Variants in RAPGEF2 observed in about 807,000 individuals in gnomAD.
The protein encoded by RAPGEF2 is Rap guanine nucleotide exchange factor 2.
A neutral mutation model predicts 186.7 loss-of-function variants in RAPGEF2; 54 were observed. That is an observed-to-expected ratio of 0.29 (90% CI 0.23 to 0.36). The LOEUF (loss-of-function observed/expected upper bound fraction) is 0.36. Among genes scored for constraint, RAPGEF2 ranks in the 10% least tolerant of loss-of-function variants. The pLI is 1.00. For synonymous variants in RAPGEF2, 712 were observed against 705.9 expected, an observed-to-expected ratio of 1.01 and a Z score of -0.14; for missense variants, 1,532 against 2,045.0, an observed-to-expected ratio of 0.75 and a Z score of 4.84.
At chr4:159,131,950 A>G (rs1254297157) in intron 1 of RAPGEF2, among the ~76,000 whole-genome samples, 1 of 152,160 alleles carries the variant, frequency 6.6e-6, no homozygotes, top group Non-Finnish European at 1.5e-5. Context: ...GAGGATCCAG[A>G]TTCAAATCTG....
In RAPGEF2 at chr4:159,331,873, G is replaced by A. The variant is rs747826112; in HGVS notation, c.1779+40G>A. ...AACTCATTTAAGGGTGAATTTTGGT[G>A]TCTGGTTTTTTTTTTCAGTCAATTT... On this transcript the variant is annotated intron_variant, in intron 15 of 29. Transcript: ENST00000691494. 5.0e-6 allele frequency: 8 copies of A among 1,592,338 alleles called. No homozygotes were observed. The Admixed American group carries it at 1.4e-4, about 29-fold the overall frequency.
chr4:159,142,513 GT>G (rs1215182508), intron 1 of RAPGEF2, among the ~76,000 whole-genome samples: 5,471 of 142,658 alleles, frequency 0.038, 139 homozygotes, highest in African/African-American at 0.078. Context: ...ATACTTCATG[GT>G]TTTTTTTTTT....
chr4:159,358,037 A>T (rs1732297281), intron 29 of RAPGEF2, 77 bp from the exon 30 acceptor site: 2 of 1,384,918 alleles, frequency 1.4e-6, no homozygotes, highest in African/African-American at 2.9e-5. Flanking sequence ...TTAGCACATC[A>T]GTGAATATAT....
At chr4:159,281,099 C>A (rs571626214) in intron 7 of RAPGEF2, among the ~76,000 whole-genome samples, 25 of 151,886 alleles carry the variant, frequency 1.6e-4, no homozygotes, top group Admixed American at 7.9e-4. Context: ...TCAAGCGATT[C>A]TCCTGCCTCA....
chr4:159,237,060 G>T (rs1004528401), intron 4 of RAPGEF2, among the ~76,000 whole-genome samples: 2 of 151,988 alleles, frequency 1.3e-5, no homozygotes, highest in Admixed American at 6.6e-5. Flanking sequence ...TTACTCTGTT[G>T]CCCAGGCTAG....
intron 1 of RAPGEF2, among the ~76,000 whole-genome samples, chr4:159,184,950 A>G (rs1167786303): frequency 2.0e-5 from 3 of 152,350 alleles, no homozygotes; most frequent in Non-Finnish European, 4.4e-5. Context: ...ACCTTTCTAC[A>G]TATGGCTAGC....
At chr4:159,350,370 A>G (rs1731003935) in intron 26 of RAPGEF2, 81 bp downstream of exon 26, 2 of 1,190,568 alleles carry the variant, frequency 1.7e-6, no homozygotes, top group Admixed American at 2.9e-5. Context: ...AATGTATTAC[A>G]TAATTCCTAA....
chr4:159,289,414 A>G (rs1337621863), intron 7 of RAPGEF2, among the ~76,000 whole-genome samples: 4 of 152,194 alleles, frequency 2.6e-5, no homozygotes, highest in Non-Finnish European at 5.9e-5. Context: ...GCATAACTAC[A>G]GTTGCTGTTC....
intron 1 of RAPGEF2, among the ~76,000 whole-genome samples, chr4:159,109,737 G>A (rs1235347448): frequency 6.6e-6 from 1 of 152,206 alleles, no homozygotes; most frequent in East Asian, 1.9e-4. Flanking sequence ...TTGTAGGGGA[G>A]TAAGAATTCA....
intron 1 of RAPGEF2, among the ~76,000 whole-genome samples, chr4:159,115,041 C>T (rs189960591): frequency 2.2e-4 from 33 of 152,208 alleles, no homozygotes; most frequent in African/African-American, 7.7e-4. Flanking sequence ...GGCAAACAAT[C>T]TCTACACATT....
At chr4:159,252,508 C>T (rs1455933443) in intron 7 of RAPGEF2, among the ~76,000 whole-genome samples, 2 of 152,162 alleles carry the variant, frequency 1.3e-5, no homozygotes, top group East Asian at 1.9e-4. Flanking sequence ...ACTTGAGCAT[C>T]GTTGATATTC....
chr4:159,284,264 C>CT (rs2110912222), intron 7 of RAPGEF2, among the ~76,000 whole-genome samples: 1 of 152,244 alleles, frequency 6.6e-6, no homozygotes, highest in Non-Finnish European at 1.5e-5. Context: ...TGTACTAACT[C>CT]TATCAACTCT....
chr4:159,344,325 A>G (rs1250792657), intron 23 of RAPGEF2, among the ~76,000 whole-genome samples: 1 of 152,126 alleles, frequency 6.6e-6, no homozygotes, highest in African/African-American at 2.4e-5. Context: ...TCTTAGAAAA[A>G]TTTTATTTTC....
At chr4:159,217,032 ATAAGT>A (rs1324802908) in intron 4 of RAPGEF2, among the ~76,000 whole-genome samples, 5 of 152,034 alleles carry the variant, frequency 3.3e-5, no homozygotes, top group African/African-American at 7.2e-5. Context: ...GTGCTGCGTG[ATAAGT>A]TAAGTGATTG....
chr4:159,169,813 T>A (rs1406180184), intron 1 of RAPGEF2, among the ~76,000 whole-genome samples: 1 of 152,210 alleles, frequency 6.6e-6, no homozygotes, highest in African/African-American at 2.4e-5. Flanking sequence ...TCTTCATCCA[T>A]CCATTGAGGG....
chr4:159,141,973 T>C (rs1445660287), intron 1 of RAPGEF2, among the ~76,000 whole-genome samples: 8 of 152,198 alleles, frequency 5.3e-5, no homozygotes, highest in Non-Finnish European at 1.2e-4. Flanking sequence ...ATCACTGTTG[T>C]TGGGGGCATA....
At chr4:159,285,073 T>C (rs1420231347) in intron 7 of RAPGEF2, among the ~76,000 whole-genome samples, 1 of 152,178 alleles carries the variant, frequency 6.6e-6, no homozygotes, top group Non-Finnish European at 1.5e-5. Flanking sequence ...ACTCTTCTTG[T>C]GTTGACTGGA....
At chr4:159,317,070 T>A (rs1764691481) in intron 9 of RAPGEF2, among the ~76,000 whole-genome samples, 2 of 152,118 alleles carry the variant, frequency 1.3e-5, no homozygotes, top group African/African-American at 4.8e-5. Context: ...TTGGAATTGA[T>A]AAAGGATGGT....
At chr4:159,344,316 C>T (rs1729979015) in intron 23 of RAPGEF2, among the ~76,000 whole-genome samples, 1 of 151,916 alleles carries the variant, frequency 6.6e-6, no homozygotes, top group Non-Finnish European at 1.5e-5. Context: ...TTTCTGAGCT[C>T]TTAGAAAAAT....
Sources: allele counts gnomAD v4.1 joint callset (sites outside exome capture counted in the v4.1 genomes callset), GRCh38; gene constraint gnomAD v4.1.1; transcripts MANE v1.5; gene names NCBI Gene and HGNC (gene_info 2026-07-23, HGNC 2026-07-21).